DNAJC3: variants seen among roughly 807,000 people sequenced by gnomAD.
DNAJC3 encodes DnaJ heat shock protein family (Hsp40) member C3.
A neutral mutation model predicts 68.6 loss-of-function variants in DNAJC3; 38 were observed. The observed-to-expected ratio is 0.55, with a 90% CI of 0.43 to 0.73. The LOEUF (loss-of-function observed/expected upper bound fraction) is 0.73. Ranked by LOEUF, DNAJC3 falls within the 30% of genes least tolerant of loss-of-function variation. DNAJC3 has a pLI of 0.00. For synonymous variants in DNAJC3, 203 were observed against 204.0 expected, an observed-to-expected ratio of 1.00 and a Z score of 0.04; for missense variants, 526 against 591.9, an observed-to-expected ratio of 0.89 and a Z score of 1.16.
chr13:95,722,389 C>A (rs73550587), intron 2 of DNAJC3, among the ~76,000 whole-genome samples: 2 of 152,072 alleles, frequency 1.3e-5, no homozygotes, highest in Admixed American at 1.3e-4. Context: ...ATTTCTAAAA[C>A]CCTGGACACC....
intron 9 of DNAJC3, among the ~76,000 whole-genome samples, chr13:95,779,139 T>C (rs1172015503): frequency 7.1e-6 from 1 of 141,472 alleles, no homozygotes; most frequent in Non-Finnish European, 1.5e-5. Flanking sequence ...TTTTTTTTTT[T>C]TTTGAGACGG....
At chr13:95,726,101 T>A (rs1236075536) in intron 4 of DNAJC3, among the ~76,000 whole-genome samples, 5 of 152,036 alleles carry the variant, frequency 3.3e-5, no homozygotes, top group Admixed American at 6.6e-5. Flanking sequence ...TGGTTCCAAG[T>A]CTTTGCTATT....
chr13:95,752,834 C>T (rs1882522812), intron 4 of DNAJC3, among the ~76,000 whole-genome samples: 1 of 152,190 alleles, frequency 6.6e-6, no homozygotes, highest in Non-Finnish European at 1.5e-5. Context: ...AGAGTGGTTA[C>T]TACTTTAAGG....
At chr13:95,729,374 CCTT>C (rs999383851) in intron 4 of DNAJC3, among the ~76,000 whole-genome samples, 2 of 141,606 alleles carry the variant, frequency 1.4e-5, no homozygotes, top group African/African-American at 2.6e-5. Flanking sequence ...CTCTGCCTAT[CCTT>C]CTCCCTCTCC....
Position 95,791,092 on chromosome 13 carries a change from C to T in DNAJC3, c.*62C>T, listed in dbSNP as rs887381781. ...GATTAAAAACAAAGAAATCTTGTTC[C>T]GGGACCCTAATGAAAAAAAATTTCA... On this transcript the variant is annotated 3_prime_UTR_variant, in exon 12 of 12. Transcript: ENST00000602402. 12 of 1,577,088 alleles carry T rather than the reference C, an allele frequency of 7.6e-6. No individual in the cohort carries two copies. The highest frequency in any genetic ancestry group is 2.2e-5 in the East Asian group (1 of 44,592).
intron 2 of DNAJC3, among the ~76,000 whole-genome samples, chr13:95,711,479 C>T (rs1880963260): frequency 6.6e-6 from 1 of 151,158 alleles, no homozygotes. Context: ...GCCTGGGTGG[C>T]AGAGTGAGAC....
intron 4 of DNAJC3, among the ~76,000 whole-genome samples, chr13:95,729,181 TTCTCTCTCTCTCTC>T (rs34173455): frequency 5.2e-5 from 7 of 134,628 alleles, no homozygotes; most frequent in African/African-American, 1.9e-4. Context: ...CATTCACTCA[TTCTCTCTCTCTCTC>T]TCTCTCTTTC....
chr13:95,779,259 G>A (rs1883375410), intron 9 of DNAJC3, among the ~76,000 whole-genome samples: 1 of 151,092 alleles, frequency 6.6e-6, no homozygotes. Flanking sequence ...GAGTAGCTGG[G>A]ACTACAGGCG....
chr13:95,702,089 G>T (rs1880600248), intron 1 of DNAJC3, among the ~76,000 whole-genome samples: 2 of 152,044 alleles, frequency 1.3e-5, no homozygotes, highest in South Asian at 4.1e-4. Context: ...ACTTTAACAG[G>T]CATATAACCA....
intron 9 of DNAJC3, among the ~76,000 whole-genome samples, chr13:95,767,875 C>T (rs113129829): frequency 0.016 from 2,217 of 139,322 alleles, 62 homozygotes; most frequent in African/African-American, 0.06. Context: ...TTTTTTTTTT[C>T]CGTATTTTTA....
chr13:95,775,078 T>C (rs1398870844), intron 9 of DNAJC3, among the ~76,000 whole-genome samples: 2 of 152,208 alleles, frequency 1.3e-5, no homozygotes, highest in African/African-American at 2.4e-5. Flanking sequence ...TTTAGATTAT[T>C]TGAATATTTC....
chr13:95,698,213 T>A lies in DNAJC3; in HGVS notation c.83-11014T>A, dbSNP rs540521394. Among the ~76,000 whole-genome samples the A allele has an allele frequency of 3.3e-5, 5 of 152,228 alleles. No homozygotes were observed. The South Asian group carries it at 1.0e-3, about 32-fold the overall frequency. The stretch of plus-strand genomic sequence containing the variant: ...TACTTTTGTTGGCAGGTTTTATATT[T>A]GTTGTGCAATTCAACCTACAGGCCT... On this transcript the variant is annotated intron_variant, in intron 1 of 11. Coordinates refer to ENST00000602402, the MANE Select transcript of DNAJC3 (RefSeq NM_006260.5).
At position 95,790,903 on chromosome 13, in the gene DNAJC3, A is replaced by G; in HGVS notation, c.1388A>G (p.Asp463Gly). 6.2e-7 allele frequency: 1 copy of G among 1,606,722 alleles called. No homozygotes were observed. Among genetic ancestry groups the G allele is most frequent in the Non-Finnish European group, 8.5e-7 (1 of 1,178,430 alleles). The change falls in exon 12 of 12, where the codon GAT becomes GGT. Residue 463 changes from aspartate to glycine, a missense_variant. Coordinates refer to ENST00000602402, the MANE Select transcript of DNAJC3 (RefSeq NM_006260.5). Reference protein sequence around the residue: ...EMRKKFDDGEDPLDAESQQGG... With the variant: ...EMRKKFDDGEGPLDAESQQGG... ...AGAAAGAAGTTTGACGACGGAGAAGATCCTTTGGATGCAGAGAGCCAGCAA... is the reference window on the plus strand; with the variant it reads ...AGAAAGAAGTTTGACGACGGAGAAGGTCCTTTGGATGCAGAGAGCCAGCAA...
intron 4 of DNAJC3, among the ~76,000 whole-genome samples, chr13:95,732,365 A>G (rs978561936): frequency 6.6e-6 from 1 of 152,108 alleles, no homozygotes; most frequent in African/African-American, 2.4e-5. Flanking sequence ...TGGTCTATTC[A>G]GGTTTTCTGT....
intron 1 of DNAJC3, among the ~76,000 whole-genome samples, chr13:95,699,896 A>G (rs1256607661): frequency 6.6e-6 from 1 of 152,018 alleles, no homozygotes; most frequent in Non-Finnish European, 1.5e-5. Flanking sequence ...GTGCAGTGGC[A>G]TGATTGTAGC....
intron 9 of DNAJC3, among the ~76,000 whole-genome samples, chr13:95,778,343 C>G (rs372137065): frequency 1.4e-4 from 22 of 152,274 alleles, no homozygotes; most frequent in African/African-American, 4.6e-4. Flanking sequence ...CAGAATGCAG[C>G]ACAGACAGCA....
At chr13:95,728,437 C>T (rs973021236) in intron 4 of DNAJC3, among the ~76,000 whole-genome samples, 2 of 152,146 alleles carry the variant, frequency 1.3e-5, no homozygotes, top group Non-Finnish European at 2.9e-5. Flanking sequence ...TGTTGAACAT[C>T]GTTTCCTGTG....
chr13:95,778,292 C>G (rs771002690), intron 9 of DNAJC3, among the ~76,000 whole-genome samples: 9 of 152,246 alleles, frequency 5.9e-5, no homozygotes, highest in Non-Finnish European at 1.2e-4. Flanking sequence ...AACCAAAGCC[C>G]TTTGGTACTG....
At chr13:95,780,504 C>T (rs1006825670) in intron 9 of DNAJC3, among the ~76,000 whole-genome samples, 1 of 152,212 alleles carries the variant, frequency 6.6e-6, no homozygotes, top group African/African-American at 2.4e-5. Flanking sequence ...TACCATTTGG[C>T]TTTCTCACTA....
Sources: allele counts gnomAD v4.1 joint callset (sites outside exome capture counted in the v4.1 genomes callset), GRCh38; gene constraint gnomAD v4.1.1; transcripts MANE v1.5; gene names NCBI Gene and HGNC (gene_info 2026-07-23, HGNC 2026-07-21).